Variants in ABCG5 observed in about 807,000 individuals in gnomAD.
ABCG5 encodes ATP-binding cassette sub-family G member 5.
ABCG5 carries 64 observed loss-of-function variants against 64.5 expected under a neutral mutation model. The observed-to-expected ratio is 0.99, with a 90% confidence interval of 0.81 to 1.22. ABCG5 has a LOEUF of 1.22. Ranked by LOEUF, ABCG5 falls within the 50% of genes most tolerant of loss-of-function variation. The pLI is 0.00. For synonymous variants in ABCG5, 385 were observed against 326.3 expected, an observed-to-expected ratio of 1.18 and a Z score of -1.94; for missense variants, 908 against 829.5, an observed-to-expected ratio of 1.09 and a Z score of -1.16.
chr2:43,807,097 C>T, the ABCG5 span, among the ~76,000 whole-genome samples: 2 of 152,118 alleles, frequency 1.3e-5, no homozygotes, highest in Non-Finnish European at 2.9e-5. Context: ...TAAATTTTGA[C>T]ATTCTACTAT....
chr2:43,832,259 G>T, intron 2 of ABCG5, 176 bp from the exon 3 acceptor site: 1 of 812,914 alleles, frequency 1.2e-6, no homozygotes, highest in Non-Finnish European at 2.0e-6. Flanking sequence ...AACGCGCACT[G>T]TGCGTGCAGC....
chr2:43,826,623 T>C (rs901807942), intron 5 of ABCG5, 102 bp from the exon 6 acceptor site: 1 of 1,552,828 alleles, frequency 6.4e-7, no homozygotes, highest in Non-Finnish European at 8.8e-7. Context: ...TTGTACCCCA[T>C]TCAAACAGTG....
rs369084669 is a variant in ABCG5, at chr2:43,838,720, G to A, written c.-41C>T. 2.9e-5 allele frequency: 46 copies of A among 1,607,278 alleles called. No homozygotes were observed. Among genetic ancestry groups the A allele is most frequent in the African/African-American group, 1.5e-4 (11 of 74,732 alleles). ...AAGCTGGGCAAATTTTCTGGTGGCC[G>A]GACCCTCCCCAGAGTGGCTTCAGTT... On this transcript the variant is annotated 5_prime_UTR_variant, in exon 1 of 13. Transcript: ENST00000405322. The surrounding 1 kb of genome is among the most constrained non-coding windows in gnomAD (Gnocchi z 4.2).
At chr2:43,818,191 C>G (rs1392271328) in intron 11 of ABCG5, among the ~76,000 whole-genome samples, 3 of 152,086 alleles carry the variant, frequency 2.0e-5, no homozygotes, top group African/African-American at 4.8e-5. Context: ...GTGGCTCACA[C>G]CTGTAATCCT....
At chr2:43,827,645 A>G (rs1031156633) in intron 5 of ABCG5, among the ~76,000 whole-genome samples, 4 of 152,188 alleles carry the variant, frequency 2.6e-5, no homozygotes, top group South Asian at 2.1e-4. Context: ...ATCAAAACTC[A>G]TTGGCTTTCC....
At chr2:43,834,672 G>A (rs762642576) in intron 2 of ABCG5, among the ~76,000 whole-genome samples, 36 of 152,382 alleles carry the variant, frequency 2.4e-4, no homozygotes, top group Middle Eastern at 3.4e-3. Context: ...GGAGGCCAAG[G>A]CGGATGGATC....
chr2:43,829,662 C>T (rs138017936), intron 4 of ABCG5, among the ~76,000 whole-genome samples: 2 of 152,144 alleles, frequency 1.3e-5, no homozygotes, highest in Non-Finnish European at 2.9e-5. Flanking sequence ...TTACCTCTAA[C>T]TGCAGAAACC....
rs528693183 is a variant in ABCG5 at position 43,825,018 on chromosome 2, G to A, written c.775C>T (p.Leu259Phe). 14 of 1,613,524 alleles carry A rather than the reference G, an allele frequency of 8.7e-6. No homozygotes were observed. Among genetic ancestry groups the A allele is most frequent in the Non-Finnish European group, 1.1e-5 (13 of 1,179,802 alleles). ...IHQPRSELFQ[L>F]FDKIAILSFG... ...CTCAGGATGGCAATTTTGTCAAAGA[G>A]CTGACCAGACAACAGACGTAGTTAG... The change falls in exon 7 of 13, where the codon CTC (leucine) becomes TTC (phenylalanine). Residue 259 changes from leucine (L) to phenylalanine (F), a missense_variant and splice_region_variant. Coordinates refer to ENST00000405322, the MANE Select transcript of ABCG5 (RefSeq NM_022436.3).
chr2:43,814,346 C>A, intron 12 of ABCG5, 131 bp downstream of exon 12: 1 of 672,116 alleles, frequency 1.5e-6, no homozygotes, highest in South Asian at 1.8e-5. Flanking sequence ...AAATGTTGGA[C>A]TGTATTTCAA....
At chr2:43,809,692 A>G (rs767296669), downstream of ABCG5, 1 of 1,594,878 alleles carries the variant, frequency 6.3e-7, no homozygotes, top group Admixed American at 1.7e-5. Context: ...AGTGATACAT[A>G]TTTTTGTTTT....
chr2:43,827,843 C>A (rs1667713847), intron 5 of ABCG5, 140 bp downstream of exon 5: 4 of 1,355,192 alleles, frequency 3.0e-6, no homozygotes, highest in Middle Eastern at 2.4e-4. Context: ...AAAACTGGGT[C>A]CTCAGTTTGA....
intron 2 of ABCG5, among the ~76,000 whole-genome samples, chr2:43,837,501 G>C (rs1438783935): frequency 2.6e-5 from 4 of 152,082 alleles, no homozygotes; most frequent in Non-Finnish European, 5.9e-5. Context: ...GGCTTAATGG[G>C]CATTTTTGTG....
rs1369215333 is a variant in ABCG5, at chr2:43,824,041, A to C, written c.1196T>G (p.Phe399Cys). The C allele has an allele frequency of 3.1e-6, 5 of 1,614,228 alleles. No individual in the cohort carries two copies. Reference sequence around the variant, plus strand: ...GACCCGCAGAACGAAGAAAAGGAGGAACAAACCCATGATCAGATTCTGAAG... The same window carrying C: ...GACCCGCAGAACGAAGAAAAGGAGGCACAAACCCATGATCAGATTCTGAAG... ...RLLQNLIMGL[F>C]LLFFVLRVRS... The change falls in exon 9 of 13, where the codon TTC becomes TGC. Residue 399 changes from phenylalanine (F) to cysteine (C), a missense_variant. Phe to Cys is a radical substitution (Grantham distance 205). Transcript: ENST00000405322.
downstream of ABCG5, among the ~76,000 whole-genome samples, chr2:43,811,141 T>G (rs1666466884): frequency 6.6e-6 from 1 of 152,218 alleles, no homozygotes; most frequent in South Asian, 2.1e-4. Flanking sequence ...TTGAAATCAG[T>G]GATTTCAAAA....
Position 43,829,013 on chromosome 2 carries a change from C to T in ABCG5, c.502-898G>A, listed in dbSNP as rs1351554404. 2.0e-5 allele frequency among the ~76,000 whole-genome samples: 3 copies of T among 151,810 alleles called. No individual in the cohort carries two copies. The East Asian group carries it at 5.8e-4, about 29-fold the overall frequency. On this transcript the variant is annotated intron_variant, in intron 4 of 12. Transcript: ENST00000405322. The stretch of plus-strand genomic sequence containing the variant: ...AAACAAATAAAATAAAATAAGATTC[C>T]CTAGAACACAAACTGCTTACACTTG...
Position 43,838,805 on chromosome 2 carries a change from G to C in ABCG5, c.-126C>G. On this transcript the variant is annotated 5_prime_UTR_variant, in exon 1 of 13. Transcript: ENST00000405322. The surrounding 1 kb of genome is among the most constrained non-coding windows in gnomAD (Gnocchi z 4.2). ...CCTGACCCCGGAGTCCCTTGGGACA[G>C]CAGGACTGGGACTTGGCCACGGAGA... 3 of 1,525,542 alleles carry C rather than the reference G, an allele frequency of 2.0e-6. No homozygotes were observed. The highest frequency in any genetic ancestry group is 2.7e-6 in the Non-Finnish European group (3 of 1,126,666). The allele number at this position is 1,525,542 out of a possible 1,614,324, so 94.5% of individuals were successfully genotyped here. A position where few individuals can be genotyped will look rare whatever the true frequency, so the allele number is the denominator to read the frequency against.
rs1379420693 is a variant in ABCG5 at position 43,838,498 on chromosome 2, A to C, written c.143+39T>G. 1.9e-6 allele frequency: 3 copies of C among 1,566,166 alleles called. No individual in the cohort carries two copies. In the African/African-American group the frequency reaches 4.1e-5, roughly 21 times the overall value. ...CAGAGGGGTGAGCGCCGGGCCCCGC[A>C]CTCCTGGGGGAGCAGCAGCAGCAAG... On this transcript the variant is annotated intron_variant, in intron 1 of 12. Coordinates refer to ENST00000405322, the MANE Select transcript of ABCG5 (RefSeq NM_022436.3). This position sits in a 1 kb window ranked among gnomAD's most constrained non-coding sequence, Gnocchi z 4.2.
chr2:43,817,748 A>G (rs1666932963), intron 11 of ABCG5, among the ~76,000 whole-genome samples: 1 of 152,058 alleles, frequency 6.6e-6, no homozygotes, highest in Non-Finnish European at 1.5e-5. Flanking sequence ...CGTCTCTACT[A>G]AAAATACAAA....
intron 10 of ABCG5, chr2:43,822,573 C>A: frequency 2.0e-6 from 2 of 985,204 alleles, no homozygotes; most frequent in Non-Finnish European, 2.4e-6. Context: ...TTCCCAGGCA[C>A]ATGTCATCTT....
Sources: gnomAD v4.1 joint callset for allele counts (sites outside exome capture counted in the v4.1 genomes callset) on GRCh38, gnomAD v4.1.1 for gene constraint, Gnocchi (gnomAD v3.1) non-coding constraint, MANE v1.5 for transcripts, NCBI Gene and HGNC (gene_info 2026-07-23, HGNC 2026-07-21) for gene names.